SUMF1: variants seen among roughly 807,000 people sequenced by gnomAD.
SUMF1 encodes the protein sulfatase modifying factor 1, also known as formylglycine-generating enzyme.
Under a neutral mutation model 47.6 loss-of-function variants are expected in SUMF1, and 48 were observed. The observed-to-expected ratio is 1.01, with a 90% CI of 0.80 to 1.28. The LOEUF (loss-of-function observed/expected upper bound fraction) is 1.28. SUMF1 is among the 50% of genes most tolerant of loss of function. The pLI is 0.00. For missense variants in SUMF1, 571 were observed against 485.4 expected, an observed-to-expected ratio of 1.18 and a Z score of -1.66; for synonymous variants, 230 against 192.1, an observed-to-expected ratio of 1.20 and a Z score of -1.63.
At chr3:4,232,999 T>G (rs1696335545) in intron 8 of SUMF1, among the ~76,000 whole-genome samples, 1 of 152,084 alleles carries the variant, frequency 6.6e-6, no homozygotes, top group African/African-American at 2.4e-5. Context: ...CAAATTTAAA[T>G]ATGTGCAGCT....
chr3:4,417,102 C>T (rs1701738759), intron 6 of SUMF1, 26 bp downstream of exon 6: 2 of 1,608,192 alleles, frequency 1.2e-6, no homozygotes, highest in African/African-American at 1.3e-5. Context: ...CAGCTGCCAC[C>T]CTCCTGCAGA....
intron 8 of SUMF1, among the ~76,000 whole-genome samples, chr3:4,366,317 A>G (rs1402324095): frequency 6.6e-6 from 1 of 152,214 alleles, no homozygotes; most frequent in Non-Finnish European, 1.5e-5. Flanking sequence ...AGTGTTTCCA[A>G]CTTGGTTCCA....
At chr3:4,128,113 G>A (rs774111391) in intron 8 of SUMF1, among the ~76,000 whole-genome samples, 2 of 152,138 alleles carry the variant, frequency 1.3e-5, no homozygotes, top group African/African-American at 4.8e-5. Context: ...CCTGGCTTCA[G>A]AAGCAGATAC....
chr3:4,457,397 A>G (rs770585264), intron 1 of SUMF1, among the ~76,000 whole-genome samples: 23 of 152,144 alleles, frequency 1.5e-4, no homozygotes, highest in African/African-American at 4.6e-4. Flanking sequence ...AGAAAAAAAA[A>G]TCCTAAAATT....
At chr3:4,219,450 C>T (rs1696013889) in intron 8 of SUMF1, among the ~76,000 whole-genome samples, 1 of 152,114 alleles carries the variant, frequency 6.6e-6, no homozygotes, top group African/African-American at 2.4e-5. Context: ...TCTGCTGTGC[C>T]AGATGTTTGC....
At chr3:4,131,356 C>T (rs1388985483) in intron 8 of SUMF1, among the ~76,000 whole-genome samples, 6 of 152,148 alleles carry the variant, frequency 3.9e-5, no homozygotes, top group Non-Finnish European at 7.3e-5. Flanking sequence ...CCAATGGCCT[C>T]ATGGGGAGTT....
intron 8 of SUMF1, among the ~76,000 whole-genome samples, chr3:4,093,261 T>C (rs572343464): frequency 7.2e-5 from 11 of 152,164 alleles, no homozygotes; most frequent in Non-Finnish European, 1.5e-4. Context: ...TTAGTCATAA[T>C]TGATATCACT....
In SUMF1 at chr3:4,389,332, G is replaced by GT. The variant is rs58961505; in HGVS notation, c.955-12944dup. Among the ~76,000 whole-genome samples the GT allele has an allele frequency of 2.7e-3, 376 of 139,772 alleles. 1 individual carries two copies. Among genetic ancestry groups the GT allele is most frequent in the Middle Eastern group, 7.4e-3 (2 of 272 alleles). 91.7% of individuals were successfully genotyped at this position (139,772 alleles called of 152,430 possible). On this transcript the variant is annotated intron_variant, in intron 7 of 8. Coordinates refer to ENST00000272902, the MANE Select transcript of SUMF1 (RefSeq NM_182760.4). ...TGGGAAATCCATTGTCATTCAAATT[G>GT]TTTTTTTTTTTTTTCCCTATAGGTA...
intron 8 of SUMF1, among the ~76,000 whole-genome samples, chr3:4,278,870 G>A (rs748857260): frequency 2.6e-5 from 4 of 152,126 alleles, no homozygotes; most frequent in Non-Finnish European, 5.9e-5. Context: ...ATTCCCCATA[G>A]TAGCTATTCT....
At chr3:4,228,853 C>A (rs1021546800) in intron 8 of SUMF1, among the ~76,000 whole-genome samples, 5 of 151,992 alleles carry the variant, frequency 3.3e-5, no homozygotes, top group African/African-American at 9.7e-5. Context: ...CCAAGAGGAG[C>A]CCCTCCATCC....
At chr3:4,186,853 TCTTTC>T (rs1695210815) in intron 8 of SUMF1, among the ~76,000 whole-genome samples, 1 of 152,194 alleles carries the variant, frequency 6.6e-6, no homozygotes, top group Non-Finnish European at 1.5e-5. Context: ...CACAATCTTC[TCTTTC>T]TTCTCTGTGT....
downstream of SUMF1, among the ~76,000 whole-genome samples, chr3:4,358,973 G>C (rs775867860): frequency 6.6e-6 from 1 of 151,972 alleles, no homozygotes; most frequent in Non-Finnish European, 1.5e-5. Context: ...TGTTAGGATA[G>C]TTATTTTGTT....
chr3:4,393,298 T>A (rs552218830), intron 7 of SUMF1, among the ~76,000 whole-genome samples: 13 of 152,110 alleles, frequency 8.5e-5, no homozygotes, highest in Non-Finnish European at 1.5e-4. Context: ...CTGTAAGGCT[T>A]TGGTTTTCGC....
intron 8 of SUMF1, among the ~76,000 whole-genome samples, chr3:4,222,887 C>T (rs376423443): frequency 5.9e-4 from 90 of 152,156 alleles, no homozygotes; most frequent in African/African-American, 1.9e-3. Context: ...ACACAGATAA[C>T]GAGTGATGTG....
intron 8 of SUMF1, among the ~76,000 whole-genome samples, chr3:4,161,862 C>A (rs1694584841): frequency 6.6e-6 from 1 of 151,934 alleles, no homozygotes; most frequent in Non-Finnish European, 1.5e-5. Context: ...TGCTTTTTCT[C>A]AAGCAGAATG....
At position 4,352,127 on chromosome 3, in the gene SUMF1, C is replaced by G. The variant is rs1575121191; in HGVS notation, c.1014+24203G>C. On this transcript the variant is annotated intron_variant and NMD_transcript_variant, in intron 8 of 12. Coordinates refer to the SUMF1 transcript ENST00000448413. ...AATCTCCCGTCTTCAGTCCACCACT[C>G]CCCACCCCAAACTCACAATAAAACA... Among the ~76,000 whole-genome samples, 5 of 152,086 alleles carry G rather than the reference C, an allele frequency of 3.3e-5. No homozygotes were observed. In the South Asian group the frequency reaches 1.0e-3, roughly 32 times the overall value.
chr3:4,132,273 A>G (rs1347114007), intron 8 of SUMF1, among the ~76,000 whole-genome samples: 4 of 152,136 alleles, frequency 2.6e-5, no homozygotes, highest in Non-Finnish European at 5.9e-5. Context: ...CACTCACTTT[A>G]TGGCTAAAGA....
At chr3:4,096,817 C>A (rs1342941974) in intron 8 of SUMF1, among the ~76,000 whole-genome samples, 3 of 152,014 alleles carry the variant, frequency 2.0e-5, no homozygotes, top group Non-Finnish European at 4.4e-5. Flanking sequence ...CCAGGGTGAG[C>A]TACTATGTGA....
chr3:4,429,711 A>G (rs1237294339), intron 3 of SUMF1, among the ~76,000 whole-genome samples: 2 of 152,194 alleles, frequency 1.3e-5, no homozygotes, highest in African/African-American at 2.4e-5. Context: ...AGATGACCAT[A>G]TAACATCATG....
Sources: gnomAD v4.1 joint callset for allele counts (sites outside exome capture counted in the v4.1 genomes callset) on GRCh38, gnomAD v4.1.1 for gene constraint, MANE v1.5 for transcripts, NCBI Gene and HGNC (gene_info 2026-07-23, HGNC 2026-07-21) for gene names.